GPAM: variants seen among roughly 807,000 people sequenced by gnomAD.
GPAM encodes the protein glycerol-3-phosphate acyltransferase 1, mitochondrial.
GPAM carries 56 observed loss-of-function variants against 105.0 expected under a neutral mutation model. That is an observed-to-expected ratio of 0.53 (90% confidence interval 0.43 to 0.67). The LOEUF (loss-of-function observed/expected upper bound fraction) is 0.67. Among genes scored for constraint, GPAM ranks in the 30% least tolerant of loss-of-function variants. The pLI, the probability that GPAM is intolerant of heterozygous loss-of-function variation, is 0.00. For synonymous variants in GPAM, 368 were observed against 354.4 expected (o/e 1.04, Z -0.43); for missense variants, 855 against 989.8 (o/e 0.86, Z 1.83).
intron 21 of GPAM, 43 bp downstream of exon 21, chr10:112,154,586 A>G: frequency 3.0e-6 from 4 of 1,342,200 alleles, no homozygotes; most frequent in Non-Finnish European, 4.3e-6. Context: ...TAAAGAGAAC[A>G]GAAGTTGAGA....
upstream of GPAM, among the ~76,000 whole-genome samples, chr10:112,188,094 C>T (rs1484687633): frequency 3.3e-5 from 5 of 151,944 alleles, no homozygotes; most frequent in East Asian, 9.6e-4. Context: ...AAAGAAAGAT[C>T]TCAAATTATT....
chr10:112,196,176 C>T (rs1564688589), intron 1 of GPAM, among the ~76,000 whole-genome samples: 1 of 152,128 alleles, frequency 6.6e-6, no homozygotes, highest in East Asian at 1.9e-4. Flanking sequence ...TGGCTAGAGA[C>T]TTATTTTTAT....
chr10:112,182,946 C>T, intron 1 of GPAM, 55 bp from the exon 2 acceptor site: 1 of 152,326 alleles, frequency 6.6e-6, no homozygotes, highest in Non-Finnish European at 1.5e-5. Context: ...CTCGTTTGTG[C>T]CAACAGGAGG....
the GPAM span, among the ~76,000 whole-genome samples, chr10:112,226,700 A>G: frequency 6.6e-6 from 1 of 152,216 alleles, no homozygotes; most frequent in Non-Finnish European, 1.5e-5. Flanking sequence ...GTGATGCATC[A>G]AGCGACTGAG....
chr10:112,168,772 T>A (rs1847262729), intron 10 of GPAM, 81 bp downstream of exon 10: 2 of 940,448 alleles, frequency 2.1e-6, no homozygotes, highest in East Asian at 4.8e-5. Context: ...TTTTTAAAAA[T>A]CTCAACTCAA....
At chr10:112,170,852 A>C (rs2133250705) in intron 9 of GPAM, among the ~76,000 whole-genome samples, 1 of 152,304 alleles carries the variant, frequency 6.6e-6, no homozygotes, top group Admixed American at 6.5e-5. Context: ...GATAAATATC[A>C]CTGACTGCAT....
chr10:112,175,865 CA>C, intron 5 of GPAM, 152 bp from the exon 6 acceptor site: 1 of 634,096 alleles, frequency 1.6e-6, no homozygotes, highest in Non-Finnish European at 2.9e-6. Context: ...CTTAGTAGTT[CA>C]GAATGTTGTG....
Position 112,149,960 on chromosome 10 carries a change from T to C in GPAM, c.*3590A>G. The C allele has an allele frequency of 1.0e-6, 1 of 985,624 alleles. No individual in the cohort carries two copies. The highest frequency in any genetic ancestry group is 1.2e-6 in the Non-Finnish European group (1 of 829,686). 61.1% of individuals were successfully genotyped at this position (985,624 alleles called of 1,614,324 possible). ...AAAAATCAATCAGCATTTCCAAGTATGTTTTGCTCACAAAATCGCAGTTAT... is the reference window on the plus strand; with the variant it reads ...AAAAATCAATCAGCATTTCCAAGTACGTTTTGCTCACAAAATCGCAGTTAT... On this transcript the variant is annotated 3_prime_UTR_variant, in exon 22 of 22. Coordinates refer to ENST00000348367, the MANE Select transcript of GPAM (RefSeq NM_001244949.2).
At chr10:112,185,557 AACACACACACACAGACACACAC>A (rs1260303267), upstream of GPAM, among the ~76,000 whole-genome samples, 72 of 139,074 alleles carry the variant, frequency 5.2e-4, no homozygotes, top group African/African-American at 1.8e-3. Flanking sequence ...TTAACACCCT[AACACACACACACAGACACACAC>A]ACACACACAC....
At chr10:112,184,755 G>C (rs1415464912), upstream of GPAM, among the ~76,000 whole-genome samples, 1 of 152,184 alleles carries the variant, frequency 6.6e-6, no homozygotes, top group Non-Finnish European at 1.5e-5. Flanking sequence ...TGAAGAGATA[G>C]AACTGGGAGA....
At chr10:112,158,289 CAAAT>C in intron 18 of GPAM, 23 bp downstream of exon 18, 1 of 1,295,428 alleles carries the variant, frequency 7.7e-7, no homozygotes, top group Non-Finnish European at 1.1e-6. Context: ...AGTATAAAGA[CAAAT>C]AAAGGAAAGC....
chr10:112,162,992 G>C (rs934150873), intron 14 of GPAM, among the ~76,000 whole-genome samples: 3 of 152,244 alleles, frequency 2.0e-5, no homozygotes, highest in South Asian at 4.2e-4. Context: ...GCATTGGCAG[G>C]GGGTGCGGAG....
Position 112,151,569 on chromosome 10 carries a change from C to CA in GPAM, c.*1980dup, listed in dbSNP as rs1846919669. On this transcript the variant is annotated 3_prime_UTR_variant, in exon 22 of 22. Transcript: ENST00000348367. ...AGCATCTGAACGTACTTCTAGAAAA[C>CA]AAACCAACCAAAAGGGAAAATAATG... is the stretch of plus-strand genomic sequence containing the variant. 1 of 985,754 alleles carries CA rather than the reference C, an allele frequency of 1.0e-6. No homozygotes were observed. Among genetic ancestry groups the CA allele is most frequent in the African/African-American group, 1.7e-5 (1 of 57,346 alleles). 61.1% of individuals were successfully genotyped at this position (985,754 alleles called of 1,614,324 possible).
intron 1 of GPAM, among the ~76,000 whole-genome samples, chr10:112,193,191 C>A (rs1847682912): frequency 6.6e-6 from 1 of 152,082 alleles, no homozygotes; most frequent in Non-Finnish European, 1.5e-5. Flanking sequence ...AGATCAGCAG[C>A]AACACGAGAT....
chr10:112,192,845 C>T (rs1847678054), intron 1 of GPAM, among the ~76,000 whole-genome samples: 1 of 152,184 alleles, frequency 6.6e-6, no homozygotes, highest in South Asian at 2.1e-4. Context: ...TGTCTATGGA[C>T]TTGGTCAACC....
intron 1 of GPAM, among the ~76,000 whole-genome samples, chr10:112,204,044 G>A (rs1054007647): frequency 6.6e-6 from 1 of 152,126 alleles, no homozygotes; most frequent in Non-Finnish European, 1.5e-5. Flanking sequence ...TGGAGGAGAT[G>A]GCACAGCAGC....
the GPAM span, among the ~76,000 whole-genome samples, chr10:112,222,499 T>G: frequency 2.0e-5 from 3 of 152,164 alleles, no homozygotes; most frequent in Non-Finnish European, 4.4e-5. Context: ...TGGTAGGTAT[T>G]CAATGAATGC....
chr10:112,206,833 TAAAA>T (rs57906877), intron 1 of GPAM, among the ~76,000 whole-genome samples: 111 of 140,216 alleles, frequency 7.9e-4, no homozygotes, highest in African/African-American at 2.7e-3. Context: ...AAAAAAAATT[TAAAA>T]AAAAAAAAAA....
chr10:112,175,110 C>T (rs1288514039), intron 6 of GPAM, among the ~76,000 whole-genome samples: 1 of 152,112 alleles, frequency 6.6e-6, no homozygotes, highest in East Asian at 1.9e-4. Flanking sequence ...TCCAATCAGT[C>T]TTTCCTATTG....
Sources: gnomAD v4.1 joint callset for allele counts (sites outside exome capture counted in the v4.1 genomes callset) on GRCh38, gnomAD v4.1.1 for gene constraint, MANE v1.5 for transcripts, NCBI Gene and HGNC (gene_info 2026-07-23, HGNC 2026-07-21) for gene names.